Variants in GPHN observed in about 807,000 individuals in gnomAD.
The protein encoded by GPHN is gephyrin.
Under a neutral mutation model 95.5 loss-of-function variants are expected in GPHN, and 17 were observed. The observed-to-expected ratio is 0.18, with a 90% CI of 0.12 to 0.27. GPHN has a LOEUF of 0.27. Ranked by LOEUF, GPHN falls within the 10% of genes least tolerant of loss-of-function variation. The pLI, the probability that GPHN is intolerant of heterozygous loss-of-function variation, is 1.00. For missense variants in GPHN, 660 were observed against 978.1 expected, an observed-to-expected ratio of 0.67 and a Z score of 4.34; for synonymous variants, 320 against 322.5, an observed-to-expected ratio of 0.99 and a Z score of 0.08.
intron 16 of GPHN, among the ~76,000 whole-genome samples, chr14:67,120,241 A>G (rs773240157): frequency 2.6e-5 from 4 of 152,142 alleles, no homozygotes; most frequent in Non-Finnish European, 4.4e-5. Flanking sequence ...TTTACCTCAT[A>G]TTTTTTTCTT....
At chr14:67,045,438 T>C (rs1262415319) in intron 10 of GPHN, among the ~76,000 whole-genome samples, 1 of 151,016 alleles carries the variant, frequency 6.6e-6, no homozygotes, top group African/African-American at 2.4e-5. Flanking sequence ...TCTGTCTTTG[T>C]CTCTCTCTGT....
At chr14:67,562,000 T>C in the GPHN span, 1 of 1,613,736 alleles carries the variant, frequency 6.2e-7, no homozygotes, top group Non-Finnish European at 8.5e-7. Context: ...CAGCGCCTGG[T>C]GGAGCAGGTG....
At chr14:67,652,240 A>G in the GPHN span, 1 of 152,272 alleles carries the variant, frequency 6.6e-6, no homozygotes, top group Non-Finnish European at 1.5e-5. Context: ...GGTAAAGACT[A>G]CTGTATTGGT....
intron 1 of GPHN, among the ~76,000 whole-genome samples, chr14:66,542,077 AC>A (rs1012676550): frequency 2.0e-5 from 3 of 152,152 alleles, no homozygotes; most frequent in Admixed American, 2.0e-4. Context: ...CCTTGCATAT[AC>A]CCTCAGCTTT....
At chr14:67,482,355 A>G in the GPHN span, among the ~76,000 whole-genome samples, 1 of 152,222 alleles carries the variant, frequency 6.6e-6, no homozygotes, top group Admixed American at 6.5e-5. Flanking sequence ...GGTTTTGTCA[A>G]AAACTCCCAT....
intron 8 of GPHN, among the ~76,000 whole-genome samples, chr14:66,960,660 T>A (rs979606909): frequency 1.3e-5 from 2 of 152,094 alleles, no homozygotes; most frequent in East Asian, 1.9e-4. Flanking sequence ...TTTGTATATG[T>A]TAGGTCACAC....
rs2064067422 is a variant in GPHN at position 66,635,823 on chromosome 14, T to A, written c.65-45284T>A. Among the ~76,000 whole-genome samples the A allele has an allele frequency of 2.0e-5, 3 of 152,246 alleles. No individual in the cohort carries two copies. In the South Asian group the frequency reaches 6.2e-4, roughly 32 times the overall value. The stretch of plus-strand genomic sequence containing the variant: ...AAAAAATTTATGTGAGTTTTCAGGC[T>A]GTTTACTTACATTCTTAAGAAAAAG... On this transcript the variant is annotated intron_variant, in intron 1 of 22. Coordinates refer to ENST00000478722, the MANE Select transcript of GPHN (RefSeq NM_020806.5).
At chr14:67,163,374 T>C (rs139958126) in intron 19 of GPHN, among the ~76,000 whole-genome samples, 35 of 152,268 alleles carry the variant, frequency 2.3e-4, no homozygotes, top group Non-Finnish European at 4.7e-4. Context: ...TCTAACAATA[T>C]AACTATTGCT....
At chr14:66,599,378 ACATTTTTTTTTG>A (rs2062121262) in intron 1 of GPHN, among the ~76,000 whole-genome samples, 1 of 89,622 alleles carries the variant, frequency 1.1e-5, no homozygotes, top group Non-Finnish European at 1.8e-5. Flanking sequence ...CTCTGATTTT[ACATTTTTTTTTG>A]CATTTTTTTT....
chr14:66,562,691 A>G (rs1245959502), intron 1 of GPHN, among the ~76,000 whole-genome samples: 1 of 152,172 alleles, frequency 6.6e-6, no homozygotes, highest in African/African-American at 2.4e-5. Context: ...GATAATAAAT[A>G]TACGCGGGAA....
At chr14:66,992,440 C>A (rs1204405226) in intron 9 of GPHN, among the ~76,000 whole-genome samples, 1 of 152,010 alleles carries the variant, frequency 6.6e-6, no homozygotes, top group Non-Finnish European at 1.5e-5. Context: ...AAGAAAAATA[C>A]CTGAATCAAG....
At chr14:67,640,196 A>ATTT in the GPHN span, among the ~76,000 whole-genome samples, 3 of 151,792 alleles carry the variant, frequency 2.0e-5, no homozygotes, top group Non-Finnish European at 4.4e-5. Flanking sequence ...CTGTTGTCAT[A>ATTT]TTTTTCTCCT....
intron 1 of GPHN, among the ~76,000 whole-genome samples, chr14:66,589,533 A>C (rs143380662): frequency 0.012 from 1,845 of 152,054 alleles, 24 homozygotes; most frequent in Non-Finnish European, 0.018. Flanking sequence ...TAAACCAACA[A>C]AGATAAAAAA....
intron 1 of GPHN, among the ~76,000 whole-genome samples, chr14:66,668,381 C>G (rs2066093813): frequency 6.6e-6 from 1 of 152,114 alleles, no homozygotes; most frequent in Non-Finnish European, 1.5e-5. Flanking sequence ...TGGAATCAAC[C>G]CAAGTGCCCA....
chr14:67,346,911 A>G, the GPHN span, among the ~76,000 whole-genome samples: 1 of 152,254 alleles, frequency 6.6e-6, no homozygotes, highest in Non-Finnish European at 1.5e-5. Context: ...ATAGCAAGTG[A>G]TTCTACATTG....
intron 1 of GPHN, among the ~76,000 whole-genome samples, chr14:66,556,680 G>A (rs1164950973): frequency 1.3e-5 from 2 of 151,922 alleles, no homozygotes; most frequent in East Asian, 3.8e-4. Context: ...ATTTATGCCT[G>A]CATTTAAGAA....
chr14:67,331,935 G>A, the GPHN span, among the ~76,000 whole-genome samples: 1 of 152,148 alleles, frequency 6.6e-6, no homozygotes, highest in African/African-American at 2.4e-5. Flanking sequence ...ATTCCAGAAT[G>A]AGAGTCATGC....
chr14:66,665,336 T>A (rs1040053178), intron 1 of GPHN, among the ~76,000 whole-genome samples: 4 of 152,198 alleles, frequency 2.6e-5, no homozygotes, highest in African/African-American at 4.8e-5. Context: ...GAGAAAATTT[T>A]TGCAATCTAC....
the GPHN span, chr14:67,647,036 A>G: frequency 2.6e-6 from 4 of 1,566,460 alleles, no homozygotes; most frequent in Non-Finnish European, 3.5e-6. Flanking sequence ...GTAAGTAACT[A>G]TAACTGATGT....
Sources: allele counts gnomAD v4.1 joint callset (sites outside exome capture counted in the v4.1 genomes callset), GRCh38; gene constraint gnomAD v4.1.1; transcripts MANE v1.5; gene names NCBI Gene and HGNC (gene_info 2026-07-23, HGNC 2026-07-21).